EXT1: variants seen among roughly 807,000 people sequenced by gnomAD.
EXT1 encodes the protein exostosin glycosyltransferase 1, also known as exostosin-1.
Under a neutral mutation model 82.5 loss-of-function variants are expected in EXT1, and 20 were observed. The ratio of observed to expected loss-of-function variants is 0.24; its 90% CI spans 0.17 to 0.35. EXT1 has a LOEUF of 0.35. Ranked by LOEUF, EXT1 falls within the 10% of genes least tolerant of loss-of-function variation. EXT1 has a pLI of 1.00. For synonymous variants in EXT1, 348 were observed against 350.8 expected, an observed-to-expected ratio of 0.99 and a Z score of 0.09; for missense variants, 757 against 936.5, an observed-to-expected ratio of 0.81 and a Z score of 2.50.
intron 7 of EXT1, among the ~76,000 whole-genome samples, chr8:117,816,393 C>T (rs953415616): frequency 2.0e-5 from 3 of 152,044 alleles, no homozygotes; most frequent in Admixed American, 2.0e-4. Flanking sequence ...CTTATTTAAC[C>T]CTCAAAATGG....
intron 1 of EXT1, among the ~76,000 whole-genome samples, chr8:117,989,104 T>A (rs968578545): frequency 1.3e-5 from 2 of 150,914 alleles, no homozygotes; most frequent in Non-Finnish European, 2.9e-5. Flanking sequence ...ACCACAACTC[T>A]GTGAAATATC....
At chr8:117,874,304 G>A (rs57075571) in intron 1 of EXT1, among the ~76,000 whole-genome samples, 43,442 of 151,748 alleles carry the variant, frequency 0.29, 6,730 homozygotes, top group African/African-American at 0.4. Flanking sequence ...AATCCTGGCC[G>A]GACGTGGTAG....
intron 1 of EXT1, among the ~76,000 whole-genome samples, chr8:117,950,455 C>CTG (rs1814471647): frequency 6.6e-6 from 1 of 152,150 alleles, no homozygotes; most frequent in Non-Finnish European, 1.5e-5. Flanking sequence ...CAGATAATGC[C>CTG]TGCTGTTCCC....
intron 1 of EXT1, among the ~76,000 whole-genome samples, chr8:118,051,304 C>T (rs1295234428): frequency 6.6e-6 from 1 of 152,128 alleles, no homozygotes; most frequent in Non-Finnish European, 1.5e-5. Flanking sequence ...TACCACTGCA[C>T]ACCAGCCTGG....
chr8:117,829,569 CTTTT>C (rs35823668), intron 4 of EXT1, among the ~76,000 whole-genome samples: 4 of 96,876 alleles, frequency 4.1e-5, no homozygotes, highest in Non-Finnish European at 6.3e-5. Flanking sequence ...ATATATTTTT[CTTTT>C]TTTTTTTTTT....
intron 1 of EXT1, among the ~76,000 whole-genome samples, chr8:118,091,748 AAAAT>A (rs1233998663): frequency 6.6e-6 from 1 of 152,218 alleles, no homozygotes; most frequent in Non-Finnish European, 1.5e-5. Context: ...CCATCTCACA[AAAAT>A]AAATAAATAA....
At chr8:117,882,495 C>T (rs1260671430) in intron 1 of EXT1, among the ~76,000 whole-genome samples, 5 of 152,158 alleles carry the variant, frequency 3.3e-5, no homozygotes, top group Non-Finnish European at 5.9e-5. Context: ...ATGATTAAGG[C>T]TCCTTTCCTC....
intron 1 of EXT1, among the ~76,000 whole-genome samples, chr8:117,890,984 A>G (rs2129943019): frequency 1.3e-5 from 2 of 152,204 alleles, no homozygotes; most frequent in East Asian, 3.9e-4. Flanking sequence ...GCCATGCTAT[A>G]CACCCCCATC....
intron 1 of EXT1, among the ~76,000 whole-genome samples, chr8:118,031,131 G>A (rs112990669): frequency 2.0e-5 from 3 of 152,118 alleles, no homozygotes; most frequent in Admixed American, 2.0e-4. Flanking sequence ...GGTGTGGGGG[G>A]AACAGCTGCT....
intron 1 of EXT1, among the ~76,000 whole-genome samples, chr8:117,865,955 T>C (rs1468760357): frequency 6.6e-6 from 1 of 152,234 alleles, no homozygotes; most frequent in African/African-American, 2.4e-5. Context: ...CCAGGAGCAG[T>C]GGCTCACACC....
Position 117,794,668 on chromosome 8 carries a change from G to GCT in EXT1, c.*5042_*5043dup, listed in dbSNP as rs1823066865. 6.6e-6 allele frequency: 1 copy of GCT among 151,966 alleles called. No homozygotes were observed. Among genetic ancestry groups the GCT allele is most frequent in the African/African-American group, 2.4e-5 (1 of 41,354 alleles). The allele number at this position is 151,966 out of a possible 1,614,324, so 9.4% of individuals were successfully genotyped here. The stretch of plus-strand genomic sequence containing the variant: ...TATGGCTTTGTATTTTCTCACACGC[G>GCT]CTCTCTCACACATACTTGAGGGCTT... On this transcript the variant is annotated 3_prime_UTR_variant, in exon 11 of 11. Coordinates refer to ENST00000378204, the MANE Select transcript of EXT1 (RefSeq NM_000127.3).
chr8:117,806,106 A>G (rs1823231937), intron 9 of EXT1, among the ~76,000 whole-genome samples: 1 of 152,154 alleles, frequency 6.6e-6, no homozygotes. Context: ...AAATAATCTG[A>G]TCACTACTTA....
chr8:117,800,249 A>C (rs1266270199), intron 10 of EXT1, among the ~76,000 whole-genome samples: 1 of 152,222 alleles, frequency 6.6e-6, no homozygotes, highest in African/African-American at 2.4e-5. Flanking sequence ...CCAAGTACTA[A>C]GATTAAAGAT....
intron 1 of EXT1, among the ~76,000 whole-genome samples, chr8:118,016,893 C>T (rs1253724429): frequency 6.6e-6 from 1 of 152,210 alleles, no homozygotes; most frequent in East Asian, 1.9e-4. Context: ...CTCTGGAGTT[C>T]TGGTGACATT....
chr8:118,110,024 T>C (rs1817864912), intron 1 of EXT1, 61 bp downstream of exon 1: 9 of 1,611,622 alleles, frequency 5.6e-6, no homozygotes, highest in Non-Finnish European at 7.6e-6. Flanking sequence ...ACTTCACACC[T>C]GGACCAAGGC....
At chr8:117,889,630 T>A (rs1158645834) in intron 1 of EXT1, among the ~76,000 whole-genome samples, 1 of 152,230 alleles carries the variant, frequency 6.6e-6, no homozygotes, top group African/African-American at 2.4e-5. Context: ...ATTTTAGTCA[T>A]CAGCATGGCT....
intron 1 of EXT1, among the ~76,000 whole-genome samples, chr8:117,952,113 C>T (rs1814501597): frequency 6.6e-6 from 1 of 152,128 alleles, no homozygotes; most frequent in Non-Finnish European, 1.5e-5. Flanking sequence ...AAACACAGCT[C>T]CTAGTGGCTT....
chr8:117,833,912 C>T (rs1587002943), intron 3 of EXT1, among the ~76,000 whole-genome samples: 1 of 152,314 alleles, frequency 6.6e-6, no homozygotes, highest in African/African-American at 2.4e-5. Context: ...ACTATCTCTG[C>T]ATGGGGAAAA....
chr8:118,033,161 G>C (rs1816363126), intron 1 of EXT1, among the ~76,000 whole-genome samples: 1 of 152,176 alleles, frequency 6.6e-6, no homozygotes, highest in South Asian at 2.1e-4. Context: ...TATGGCTGTT[G>C]TCACATTTGA....
Sources: allele counts gnomAD v4.1 joint callset (sites outside exome capture counted in the v4.1 genomes callset), GRCh38; gene constraint gnomAD v4.1.1; transcripts MANE v1.5; gene names NCBI Gene and HGNC (gene_info 2026-07-23, HGNC 2026-07-21).